TENM3: variants seen among roughly 807,000 people sequenced by gnomAD.
The protein encoded by TENM3 is teneurin-3.
Under a neutral mutation model 255.1 loss-of-function variants are expected in TENM3, and 63 were observed. The observed-to-expected ratio is 0.25, with a 90% confidence interval of 0.20 to 0.30. The LOEUF is 0.30. Among genes scored for constraint, TENM3 ranks in the 10% least tolerant of loss-of-function variants. The pLI, the probability that TENM3 is intolerant of heterozygous loss-of-function variation, is 1.00. For synonymous variants in TENM3, 1,306 were observed against 1,322.3 expected, an observed-to-expected ratio of 0.99 and a Z score of 0.27; for missense variants, 2,929 against 3,461.1, an observed-to-expected ratio of 0.85 and a Z score of 3.86.
the TENM3 span, among the ~76,000 whole-genome samples, chr4:181,470,489 A>G: frequency 6.6e-6 from 1 of 152,178 alleles, no homozygotes; most frequent in Non-Finnish European, 1.5e-5. Flanking sequence ...AAGGTTGCTT[A>G]GTGATATAGT....
In TENM3 at chr4:182,220,378, CAAAAAAA is replaced by C. The variant is rs60851113; in HGVS notation, c.-76+75642_-76+75648del. 3.6e-4 allele frequency among the ~76,000 whole-genome samples: 28 copies of C among 77,492 alleles called. No homozygotes were observed. The South Asian group carries it at 4.4e-3, about 12-fold the overall frequency. 50.8% of individuals were successfully genotyped at this position (77,492 alleles called of 152,430 possible). A position where few individuals can be genotyped will look rare whatever the true frequency, so the allele number is the denominator to read the frequency against. On this transcript the variant is annotated intron_variant, in intron 1 of 2. Coordinates refer to the TENM3 transcript ENST00000512480. ...GGCGACAGAGTGAGACTCTGTCTCA[CAAAAAAA>C]AAAAAAAAAAAAAAAAAGTCGGCTT... is the stretch of plus-strand genomic sequence containing the variant.
chr4:182,372,954 G>T (rs1197901785), intron 3 of TENM3, among the ~76,000 whole-genome samples: 1 of 151,988 alleles, frequency 6.6e-6, no homozygotes, highest in Non-Finnish European at 1.5e-5. Context: ...TGCTCAGGCT[G>T]GTCTCAAACT....
the TENM3 span, among the ~76,000 whole-genome samples, chr4:182,044,711 C>T: frequency 6.6e-6 from 1 of 152,156 alleles, no homozygotes; most frequent in Non-Finnish European, 1.5e-5. Flanking sequence ...TAAGCTCCAC[C>T]CTTTCCCGGG....
chr4:182,450,898 C>G (rs1020103856), intron 3 of TENM3, among the ~76,000 whole-genome samples: 2 of 152,296 alleles, frequency 1.3e-5, no homozygotes, highest in South Asian at 4.1e-4. Context: ...TTAACAATGA[C>G]AGTTGACATC....
intron 5 of TENM3, among the ~76,000 whole-genome samples, chr4:182,648,070 G>T (rs1752911871): frequency 6.6e-6 from 1 of 152,002 alleles, no homozygotes; most frequent in Non-Finnish European, 1.5e-5. Context: ...GTGGAGTCAT[G>T]TGCCCTTCTT....
the TENM3 span, among the ~76,000 whole-genome samples, chr4:181,495,558 AG>A: frequency 1.4e-4 from 1 of 7,344 alleles, no homozygotes; most frequent in Non-Finnish European, 3.7e-3. Flanking sequence ...AGTATACACG[AG>A]AGAGAGAGAG....
At chr4:182,580,769 T>C (rs542185175) in intron 3 of TENM3, among the ~76,000 whole-genome samples, 1 of 152,326 alleles carries the variant, frequency 6.6e-6, no homozygotes, top group East Asian at 1.9e-4. Context: ...CAACTTTGAT[T>C]GCAAATTATG....
At chr4:182,623,295 G>A (rs368717537) in intron 4 of TENM3, among the ~76,000 whole-genome samples, 1 of 151,446 alleles carries the variant, frequency 6.6e-6, no homozygotes, top group African/African-American at 2.4e-5. Flanking sequence ...TTACAGGTGT[G>A]AGCCACCACG....
chr4:182,020,291 A>G, the TENM3 span, among the ~76,000 whole-genome samples: 17 of 151,916 alleles, frequency 1.1e-4, no homozygotes, highest in South Asian at 2.1e-4. Context: ...GCTTGAACCC[A>G]GGAGGCGGAG....
chr4:182,157,070 A>G lies in TENM3; in HGVS notation c.-76+12316A>G, dbSNP rs571105912. ...CCAGAGAACTGAAGGGGGGTACCCA[A>G]CCTAATGGTTCTAGCATCCACCCTT... On this transcript the variant is annotated intron_variant, in intron 1 of 2. Coordinates refer to the TENM3 transcript ENST00000512480. 2.0e-5 allele frequency among the ~76,000 whole-genome samples: 3 copies of G among 152,336 alleles called. No homozygotes were observed. In the East Asian group the frequency reaches 5.8e-4, roughly 29 times the overall value.
At chr4:181,948,127 A>G in the TENM3 span, among the ~76,000 whole-genome samples, 7 of 152,198 alleles carry the variant, frequency 4.6e-5, no homozygotes, top group Admixed American at 3.9e-4. Context: ...TATAACCGGT[A>G]CCACTGATTT....
At chr4:182,055,503 TGC>T in the TENM3 span, among the ~76,000 whole-genome samples, 10 of 152,204 alleles carry the variant, frequency 6.6e-5, no homozygotes, top group Non-Finnish European at 1.5e-4. Flanking sequence ...TTTGAGGTCC[TGC>T]CTTGATGATC....
chr4:182,067,448 G>C, the TENM3 span, among the ~76,000 whole-genome samples: 1 of 152,178 alleles, frequency 6.6e-6, no homozygotes, highest in Admixed American at 6.5e-5. Context: ...CGTGTATTTA[G>C]TGTGAGTTTG....
the TENM3 span, among the ~76,000 whole-genome samples, chr4:181,939,114 C>G: frequency 6.6e-6 from 1 of 152,114 alleles, no homozygotes; most frequent in Non-Finnish European, 1.5e-5. Flanking sequence ...TAACAGTAAT[C>G]TTGTGCACTT....
chr4:181,918,002 A>G, the TENM3 span, among the ~76,000 whole-genome samples: 1 of 152,044 alleles, frequency 6.6e-6, no homozygotes, highest in Admixed American at 6.6e-5. Flanking sequence ...TTTTGTTATT[A>G]TATTTTCTTA....
the TENM3 span, among the ~76,000 whole-genome samples, chr4:181,591,189 T>C: frequency 1.3e-5 from 2 of 152,230 alleles, no homozygotes. Flanking sequence ...TCTATTCACA[T>C]ATCAGAATGT....
At chr4:182,203,617 C>G (rs1485518634) in intron 1 of TENM3, among the ~76,000 whole-genome samples, 1 of 152,186 alleles carries the variant, frequency 6.6e-6, no homozygotes, top group African/African-American at 2.4e-5. Context: ...TCCCTTTCCC[C>G]CGCTTTGCTG....
intron 1 of TENM3, among the ~76,000 whole-genome samples, chr4:182,202,291 G>A (rs571945600): frequency 2.7e-5 from 4 of 149,400 alleles, no homozygotes; most frequent in Non-Finnish European, 4.4e-5. Context: ...TAAGATGTGT[G>A]CACTGCACTT....
intron 4 of TENM3, among the ~76,000 whole-genome samples, chr4:182,602,326 T>C (rs1484170893): frequency 6.6e-6 from 1 of 152,220 alleles, no homozygotes; most frequent in African/African-American, 2.4e-5. Flanking sequence ...CTTGAGAGAC[T>C]GTCCCCCAAA....
Sources: gnomAD v4.1 joint callset for allele counts (sites outside exome capture counted in the v4.1 genomes callset) on GRCh38, gnomAD v4.1.1 for gene constraint, MANE v1.5 for transcripts, NCBI Gene and HGNC (gene_info 2026-07-23, HGNC 2026-07-21) for gene names.